The following SLC24A2 variants were observed in gnomAD, a reference collection of about 807,000 sequenced individuals.
SLC24A2 encodes the protein sodium/potassium/calcium exchanger 2.
SLC24A2 carries 36 observed loss-of-function variants against 62.0 expected under a neutral mutation model. The observed-to-expected ratio is 0.58, with a 90% CI of 0.44 to 0.77. SLC24A2 has a LOEUF of 0.77. Ranked by LOEUF, SLC24A2 falls within the 30% of genes least tolerant of loss-of-function variation. The pLI, the probability that SLC24A2 is intolerant of heterozygous loss-of-function variation, is 0.00. For missense variants in SLC24A2, 846 were observed against 817.9 expected, an observed-to-expected ratio of 1.03 and a Z score of -0.42; for synonymous variants, 358 against 294.0, an observed-to-expected ratio of 1.22 and a Z score of -2.23.
chr9:20,076,045 T>C, the SLC24A2 span, among the ~76,000 whole-genome samples: 2 of 152,210 alleles, frequency 1.3e-5, no homozygotes, highest in African/African-American at 4.8e-5. Context: ...GTTTAGGGAA[T>C]AATAACAAGA....
the SLC24A2 span, among the ~76,000 whole-genome samples, chr9:19,803,053 G>C: frequency 1.4e-4 from 21 of 152,234 alleles, no homozygotes; most frequent in African/African-American, 4.3e-4. Flanking sequence ...TTGACACTTT[G>C]ATCTTGGACT....
chr9:20,175,108 A>G, the SLC24A2 span, among the ~76,000 whole-genome samples: 1 of 151,818 alleles, frequency 6.6e-6, no homozygotes, highest in South Asian at 2.1e-4. Context: ...ATTGGAGACT[A>G]TTATTCTAAG....
At chr9:19,807,378 G>A in the SLC24A2 span, among the ~76,000 whole-genome samples, 1 of 152,180 alleles carries the variant, frequency 6.6e-6, no homozygotes, top group East Asian at 1.9e-4. Flanking sequence ...TCCTAATTTG[G>A]TTATTCAATG....
At chr9:19,886,461 A>C in the SLC24A2 span, among the ~76,000 whole-genome samples, 2 of 152,186 alleles carry the variant, frequency 1.3e-5, no homozygotes, top group Non-Finnish European at 2.9e-5. Flanking sequence ...AAAAAAGCTC[A>C]ACACCGCTGA....
intron 2 of SLC24A2, among the ~76,000 whole-genome samples, chr9:19,754,253 C>T (rs781717931): frequency 5.3e-5 from 8 of 152,196 alleles, no homozygotes; most frequent in Non-Finnish European, 1.0e-4. Flanking sequence ...CCCAGGACTA[C>T]AGTCCACTCT....
chr9:19,595,020 C>G lies in SLC24A2; in HGVS notation c.1129+2209G>C, dbSNP rs75219740. 8.6e-3 allele frequency among the ~76,000 whole-genome samples: 1,307 copies of G among 152,206 alleles called. 20 individuals carry two copies. Among genetic ancestry groups the G allele is most frequent in the African/African-American group, 0.029 (1,191 of 41,524 alleles). On this transcript the variant is annotated intron_variant, in intron 5 of 10. Coordinates refer to ENST00000341998, the MANE Select transcript of SLC24A2 (RefSeq NM_020344.4). ...TTTTTCTAGTACTTGAGAGGGATTG[C>G]TATGTATTTAGAAAATTTAAAAATC...
chr9:19,567,350 T>G (rs906743297), intron 7 of SLC24A2, among the ~76,000 whole-genome samples: 3 of 151,540 alleles, frequency 2.0e-5, no homozygotes, highest in African/African-American at 7.3e-5. Context: ...ATCAAGACCT[T>G]CCTGGCTAAC....
the SLC24A2 span, among the ~76,000 whole-genome samples, chr9:20,029,378 C>T: frequency 2.0e-5 from 3 of 152,186 alleles, no homozygotes; most frequent in African/African-American, 7.2e-5. Flanking sequence ...AAAGGATTTT[C>T]ATGGGCAAGG....
In SLC24A2 at chr9:19,508,495, T is replaced by A. The variant is rs142297857; in HGVS notation, c.*7658A>T. ...AGTGCTTTTTAGTAATTACTTTTACTCAAATTACATAAAAGGGCTGGGTAT... is the reference window on the plus strand; with the variant it reads ...AGTGCTTTTTAGTAATTACTTTTACACAAATTACATAAAAGGGCTGGGTAT... On this transcript the variant is annotated 3_prime_UTR_variant, in exon 11 of 11. Coordinates refer to ENST00000341998, the MANE Select transcript of SLC24A2 (RefSeq NM_020344.4). The A allele has an allele frequency of 2.2e-4, 33 of 152,298 alleles. No homozygotes were observed. Among genetic ancestry groups the A allele is most frequent in the African/African-American group, 7.5e-4 (31 of 41,568 alleles). 9.4% of individuals were successfully genotyped at this position (152,298 alleles called of 1,614,324 possible).
At chr9:19,729,741 A>T (rs766146873) in intron 2 of SLC24A2, among the ~76,000 whole-genome samples, 2 of 152,176 alleles carry the variant, frequency 1.3e-5, no homozygotes, top group African/African-American at 2.4e-5. Flanking sequence ...AGGGCTAGAG[A>T]GAGATTTATT....
rs751658170 is a variant in SLC24A2 at position 19,785,920 on chromosome 9, A to T, written c.930+17T>A. 1.9e-6 allele frequency: 3 copies of T among 1,614,212 alleles called. No individual in the cohort carries two copies. The South Asian group carries it at 3.3e-5, about 18-fold the overall frequency. On this transcript the variant is annotated intron_variant, in intron 2 of 10. Transcript: ENST00000341998. ...GTAGTCAAGAAAAGCATTAAATAAA[A>T]ATCCACCACCACCAACCTTTGCTTG...
intron 2 of SLC24A2, among the ~76,000 whole-genome samples, chr9:19,631,326 G>A (rs1435035236): frequency 2.0e-5 from 3 of 152,136 alleles, no homozygotes; most frequent in Admixed American, 2.0e-4. Context: ...TACTGCGAGT[G>A]ACCCACTGCT....
At chr9:19,566,012 C>G (rs539327852) in intron 7 of SLC24A2, among the ~76,000 whole-genome samples, 14 of 152,174 alleles carry the variant, frequency 9.2e-5, no homozygotes, top group African/African-American at 3.1e-4. Context: ...CATAAAAACC[C>G]TGGAAGAAAA....
At chr9:19,650,403 C>T (rs944961202) in intron 2 of SLC24A2, among the ~76,000 whole-genome samples, 21 of 152,172 alleles carry the variant, frequency 1.4e-4, no homozygotes, top group African/African-American at 4.8e-4. Context: ...AGGGATCACA[C>T]GAAGACCAAG....
chr9:19,937,280 G>A, the SLC24A2 span, among the ~76,000 whole-genome samples: 1 of 152,054 alleles, frequency 6.6e-6, no homozygotes, highest in Non-Finnish European at 1.5e-5. Context: ...TTCTTCCAGG[G>A]GTCTTCCTAA....
the SLC24A2 span, among the ~76,000 whole-genome samples, chr9:19,930,776 A>G: frequency 8.5e-5 from 13 of 152,242 alleles, no homozygotes; most frequent in Non-Finnish European, 1.6e-4. Flanking sequence ...ATTTGTAGCT[A>G]GGAAACAGGG....
chr9:19,805,154 T>C, the SLC24A2 span, among the ~76,000 whole-genome samples: 1 of 152,152 alleles, frequency 6.6e-6, no homozygotes, highest in African/African-American at 2.4e-5. Context: ...AATGGAATAA[T>C]TTTACATAAG....
intron 9 of SLC24A2, among the ~76,000 whole-genome samples, chr9:19,521,780 G>T (rs1196865894): frequency 6.6e-6 from 1 of 151,876 alleles, no homozygotes; most frequent in African/African-American, 2.4e-5. Flanking sequence ...TACTTGTGAG[G>T]ACTAAATGAT....
At chr9:19,825,508 A>T in the SLC24A2 span, among the ~76,000 whole-genome samples, 10 of 152,068 alleles carry the variant, frequency 6.6e-5, 1 homozygote, top group South Asian at 1.9e-3. Context: ...GACTCATTCA[A>T]TATGGGATAT....
Sources: gnomAD v4.1 joint callset for allele counts (sites outside exome capture counted in the v4.1 genomes callset) on GRCh38, gnomAD v4.1.1 for gene constraint, MANE v1.5 for transcripts, NCBI Gene and HGNC (gene_info 2026-07-23, HGNC 2026-07-21) for gene names.